Variants in ABCA12 observed in about 807,000 individuals in gnomAD.
ABCA12 encodes the protein glucosylceramide transporter ABCA12.
In ABCA12, 156 loss-of-function variants were observed where a neutral mutation model predicts 293.5. The observed-to-expected ratio is 0.53, with a 90% CI of 0.47 to 0.61. The LOEUF is 0.61. Among genes scored for constraint, ABCA12 ranks in the 20% least tolerant of loss-of-function variants. The pLI is 0.00. For missense variants in ABCA12, 2,797 were observed against 3,090.2 expected, an observed-to-expected ratio of 0.91 and a Z score of 2.25; for synonymous variants, 1,063 against 1,108.0, an observed-to-expected ratio of 0.96 and a Z score of 0.81.
chr2:215,083,164 A>C (rs2106096929), intron 2 of ABCA12, among the ~76,000 whole-genome samples: 1 of 152,340 alleles, frequency 6.6e-6, no homozygotes, highest in Admixed American at 6.5e-5. Flanking sequence ...AGTACACTTA[A>C]ACCAGACTAA....
chr2:214,968,766 A>G lies in ABCA12; in HGVS notation c.5732T>C (p.Leu1911Pro). Residue 1911 changes from leucine to proline, a missense_variant, in exon 38 of 53, where the codon CTT (leucine) becomes CCT (proline). Physicochemically the swap from Leu to Pro is moderately conservative, Grantham distance 98. Coordinates refer to ENST00000272895, the MANE Select transcript of ABCA12 (RefSeq NM_173076.3). ...AGGGACTCCTGTTATATCAAAACGA[A>G]GGTCTTTTGTCAAAGGCAGCCCAAA... ...WSFGLPLTKD[L>P]RFDITGVPAN... 1.2e-6 allele frequency: 2 copies of G among 1,613,398 alleles called. No homozygotes were observed. Among genetic ancestry groups the G allele is most frequent in the Non-Finnish European group, 1.7e-6 (2 of 1,179,410 alleles).
Position 214,932,094 on chromosome 2 carries a change from A to AC in ABCA12, c.*539dup, listed in dbSNP as rs139753893. Reference sequence around the variant, plus strand: ...CATTCACAGGTACCGAAAGTGACATACACATACATTGTAAACATTGTGCCC... The same window carrying AC: ...CATTCACAGGTACCGAAAGTGACATACCACATACATTGTAAACATTGTGCCC... On this transcript the variant is annotated 3_prime_UTR_variant, in exon 53 of 53. Transcript: ENST00000272895. The AC allele has an allele frequency of 0.067, 10,962 of 164,732 alleles. 1,321 individuals are homozygous for AC. The highest frequency in any genetic ancestry group is 0.25 in the African/African-American group (10,277 of 41,512). 10.2% of individuals were successfully genotyped at this position (164,732 alleles called of 1,614,324 possible).
chr2:214,992,809 C>T (rs550494423), intron 23 of ABCA12, among the ~76,000 whole-genome samples: 7 of 151,666 alleles, frequency 4.6e-5, no homozygotes, highest in Admixed American at 6.6e-5. Flanking sequence ...TGCAGTGAGC[C>T]GAGATCATGC....
chr2:215,106,920 G>T (rs1702474502), intron 2 of ABCA12, among the ~76,000 whole-genome samples: 2 of 152,146 alleles, frequency 1.3e-5, no homozygotes, highest in Non-Finnish European at 2.9e-5. Context: ...ATTTTCACAT[G>T]CAAGATGGGC....
At chr2:215,087,257 A>G (rs1031136621) in intron 2 of ABCA12, among the ~76,000 whole-genome samples, 1 of 152,218 alleles carries the variant, frequency 6.6e-6, no homozygotes, top group African/African-American at 2.4e-5. Flanking sequence ...AATTATTAAT[A>G]TTGTCTATTA....
intron 51 of ABCA12, among the ~76,000 whole-genome samples, chr2:214,935,614 T>C (rs1396621668): frequency 6.6e-6 from 1 of 151,926 alleles, no homozygotes. Flanking sequence ...TTGGGCAACA[T>C]AGTGAGATTC....
Position 215,061,139 on chromosome 2 carries a change from T to C in ABCA12, c.317+2927A>G, listed in dbSNP as rs146684146. Among the ~76,000 whole-genome samples, 9 of 152,196 alleles carry C rather than the reference T, an allele frequency of 5.9e-5. No individual in the cohort carries two copies. The East Asian group carries it at 1.7e-3, about 29-fold the overall frequency. On this transcript the variant is annotated intron_variant, in intron 3 of 52. Transcript: ENST00000272895. ...AAAGGGTAAGATCTGTGATGTTGGA[T>C]CATCTGTTGTGCAAATGAGCAAGAA... is the stretch of plus-strand genomic sequence containing the variant.
At position 215,036,986 on chromosome 2, in the gene ABCA12, G is replaced by A. The variant is rs753139272; in HGVS notation, c.952C>T (p.His318Tyr). The change falls in exon 8 of 53, where the codon CAT (histidine) becomes TAT (tyrosine). Residue 318 changes from histidine to tyrosine, a missense_variant. This residue lies in a region of ABCA12 where 656 missense variants were observed against 638.2 expected (regional missense o/e 1.03). Transcript: ENST00000272895. ...GGGGAGTCCAGAGTGTACAGCAGAT[G>A]TTTAACAGACTTCTGGAGGGTTCTG... ...GFRTLQKSVKHLLYTLDSPAQ... is the reference protein window; with the variant it reads ...GFRTLQKSVKYLLYTLDSPAQ... 24 of 1,613,944 alleles carry A rather than the reference G, an allele frequency of 1.5e-5. No individual in the cohort carries two copies. The highest frequency in any genetic ancestry group is 3.3e-4 in the Middle Eastern group (2 of 6,060).
chr2:215,067,116 A>G (rs1352296877), intron 2 of ABCA12, among the ~76,000 whole-genome samples: 1 of 152,116 alleles, frequency 6.6e-6, no homozygotes, highest in African/African-American at 2.4e-5. Flanking sequence ...TATGTATACA[A>G]ATAAAAAGAG....
chr2:214,966,990 A>G (rs1049826780), intron 38 of ABCA12, 37 bp from the exon 39 acceptor site: 18 of 1,484,320 alleles, frequency 1.2e-5, no homozygotes, highest in East Asian at 4.5e-5. Context: ...TCAATATTGC[A>G]TTCAAATAAA....
intron 8 of ABCA12, among the ~76,000 whole-genome samples, chr2:215,036,181 T>C (rs556596601): frequency 2.0e-5 from 3 of 152,318 alleles, no homozygotes; most frequent in Admixed American, 2.0e-4. Flanking sequence ...TCCAAGAGTA[T>C]TGTTGGACCC....
At chr2:214,947,666 T>A (rs1207484692) in intron 47 of ABCA12, 110 bp from the exon 48 acceptor site, 25 of 1,254,642 alleles carry the variant, frequency 2.0e-5, no homozygotes, top group Non-Finnish European at 2.6e-5. Flanking sequence ...TCATGGAGAA[T>A]ATATCTGGAA....
At chr2:214,992,362 G>A (rs1167264278) in intron 23 of ABCA12, among the ~76,000 whole-genome samples, 2 of 144,044 alleles carry the variant, frequency 1.4e-5, no homozygotes, top group African/African-American at 5.1e-5. Flanking sequence ...AGAATGGCGT[G>A]AACCTGGGAG....
chr2:214,936,726 C>T (rs537526001), intron 51 of ABCA12, among the ~76,000 whole-genome samples: 1 of 152,126 alleles, frequency 6.6e-6, no homozygotes, highest in East Asian at 1.9e-4. Context: ...CTACTCAGTC[C>T]TGCTCCAACT....
chr2:214,942,194 A>G (rs1698427989), intron 50 of ABCA12, among the ~76,000 whole-genome samples: 1 of 152,192 alleles, frequency 6.6e-6, no homozygotes, highest in African/African-American at 2.4e-5. Flanking sequence ...ATATTAAATC[A>G]ATGTGCCAGC....
At chr2:215,066,575 G>T (rs575611708) in intron 2 of ABCA12, among the ~76,000 whole-genome samples, 1 of 152,178 alleles carries the variant, frequency 6.6e-6, no homozygotes, top group Admixed American at 6.6e-5. Flanking sequence ...AACATTCTTT[G>T]GTATGATATC....
intron 52 of ABCA12, among the ~76,000 whole-genome samples, chr2:214,933,412 C>T (rs1190955592): frequency 6.6e-6 from 1 of 152,090 alleles, no homozygotes; most frequent in Admixed American, 6.6e-5. Flanking sequence ...TAAAGCCCCA[C>T]AAGAAGAGTT....
chr2:215,043,058 G>A (rs1051632649), intron 7 of ABCA12, among the ~76,000 whole-genome samples: 1 of 151,554 alleles, frequency 6.6e-6, no homozygotes, highest in Admixed American at 6.6e-5. Flanking sequence ...CCCTTTCTCT[G>A]TATCCCTGCC....
chr2:215,000,677 T>C, intron 22 of ABCA12, 28 bp downstream of exon 22: 1 of 1,612,824 alleles, frequency 6.2e-7, no homozygotes, highest in South Asian at 1.1e-5. Context: ...TGTTGATCAT[T>C]AAAAAGGCTG....
Sources: gnomAD v4.1 joint callset for allele counts (sites outside exome capture counted in the v4.1 genomes callset) on GRCh38, gnomAD v4.1.1 for gene constraint, gnomAD v4.1.1 regional missense constraint, MANE v1.5 for transcripts, NCBI Gene and HGNC (gene_info 2026-07-23, HGNC 2026-07-21) for gene names.